MB21D2: variants seen among roughly 807,000 people sequenced by gnomAD.
MB21D2 encodes the protein Mab-21 domain containing 2.
MB21D2 carries 9 observed loss-of-function variants against 33.3 expected under a neutral mutation model. The ratio of observed to expected loss-of-function variants is 0.27; its 90% confidence interval spans 0.16 to 0.47. The LOEUF (loss-of-function observed/expected upper bound fraction) is 0.47. Among genes scored for constraint, MB21D2 ranks in the 20% least tolerant of loss-of-function variants. MB21D2 has a pLI of 0.99. For missense variants in MB21D2, 540 were observed against 624.6 expected, an observed-to-expected ratio of 0.86 and a Z score of 1.44; for synonymous variants, 241 against 236.3, an observed-to-expected ratio of 1.02 and a Z score of -0.18.
intron 1 of MB21D2, among the ~76,000 whole-genome samples, chr3:192,885,942 C>G (rs1713722463): frequency 6.6e-6 from 1 of 152,022 alleles, no homozygotes; most frequent in African/African-American, 2.4e-5. Context: ...CTTTAAACCC[C>G]ACTAGTTCAA....
At chr3:192,862,804 A>G (rs1267862829) in intron 1 of MB21D2, among the ~76,000 whole-genome samples, 1 of 152,210 alleles carries the variant, frequency 6.6e-6, no homozygotes, top group Non-Finnish European at 1.5e-5. Context: ...GGTAATTTAT[A>G]AACAATGTAA....
chr3:192,869,174 T>G (rs1713232289), intron 1 of MB21D2, among the ~76,000 whole-genome samples: 1 of 151,402 alleles, frequency 6.6e-6, no homozygotes, highest in Non-Finnish European at 1.5e-5. Flanking sequence ...AAGAATTGCT[T>G]GAGCCCGGGA....
intron 1 of MB21D2, among the ~76,000 whole-genome samples, chr3:192,836,594 C>T (rs1004577505): frequency 4.6e-5 from 7 of 152,292 alleles, no homozygotes; most frequent in East Asian, 3.9e-4. Flanking sequence ...AGCAAGCAGG[C>T]GGCCGTCTGC....
intron 1 of MB21D2, among the ~76,000 whole-genome samples, chr3:192,893,240 T>C (rs1713893399): frequency 6.6e-6 from 1 of 152,218 alleles, no homozygotes; most frequent in African/African-American, 2.4e-5. Flanking sequence ...TCAAGTGACA[T>C]GACGTCTTTA....
At chr3:192,830,548 T>C (rs1350631298) in intron 1 of MB21D2, among the ~76,000 whole-genome samples, 2 of 152,164 alleles carry the variant, frequency 1.3e-5, no homozygotes, top group Admixed American at 1.3e-4. Flanking sequence ...ACCAACTTCA[T>C]GAGGCAGCCT....
chr3:192,813,667 T>C (rs1025101447), intron 1 of MB21D2, among the ~76,000 whole-genome samples: 6 of 152,110 alleles, frequency 3.9e-5, no homozygotes, highest in East Asian at 1.9e-4. Context: ...CCTAAGTAAC[T>C]AGTCAAGATG....
At chr3:192,882,479 C>T (rs13059548) in intron 1 of MB21D2, among the ~76,000 whole-genome samples, 1,724 of 152,214 alleles carry the variant, frequency 0.011, 19 homozygotes, top group Non-Finnish European at 0.017. Context: ...GGAAATAAGG[C>T]AAAAGGAAGG....
intron 1 of MB21D2, among the ~76,000 whole-genome samples, chr3:192,873,656 A>T (rs1713366421): frequency 1.3e-5 from 2 of 152,086 alleles, no homozygotes; most frequent in South Asian, 4.2e-4. Flanking sequence ...CTCGTCTGGG[A>T]GCTGCACTCC....
intron 1 of MB21D2, among the ~76,000 whole-genome samples, chr3:192,891,545 C>T (rs1222924673): frequency 2.6e-5 from 4 of 152,102 alleles, no homozygotes; most frequent in Non-Finnish European, 4.4e-5. Context: ...CTCTGCATAA[C>T]ATTTTCAAGG....
intron 1 of MB21D2, among the ~76,000 whole-genome samples, chr3:192,916,230 A>G (rs1309566112): frequency 6.6e-6 from 1 of 151,918 alleles, no homozygotes; most frequent in Non-Finnish European, 1.5e-5. Context: ...AAAGGTAAAA[A>G]CCAGCCTAGA....
Position 192,796,830 on chromosome 3 carries a change from G to A in MB21D2, c.*1556C>T, listed in dbSNP as rs1252739823. The stretch of plus-strand genomic sequence containing the variant: ...AACAACAAAATTTCAAGGCCAGTAT[G>A]TTTCTTTTTTTATTATTTTTGTGTT... On this transcript the variant is annotated 3_prime_UTR_variant, in exon 2 of 2. Coordinates refer to ENST00000392452, the MANE Select transcript of MB21D2 (RefSeq NM_178496.4). 2.6e-5 allele frequency: 4 copies of A among 152,122 alleles called. No homozygotes were observed. Among genetic ancestry groups the A allele is most frequent in the Non-Finnish European group, 4.4e-5 (3 of 67,978 alleles). 9.4% of individuals were successfully genotyped at this position (152,122 alleles called of 1,614,324 possible). A position where few individuals can be genotyped will look rare whatever the true frequency, so the allele number is the denominator to read the frequency against.
chr3:192,889,246 G>C lies in MB21D2; in HGVS notation c.211+28384C>G, dbSNP rs571021822. Among the ~76,000 whole-genome samples the C allele has an allele frequency of 1.5e-4, 23 of 152,124 alleles. No homozygotes were observed. The East Asian group carries it at 4.2e-3, about 28-fold the overall frequency. On this transcript the variant is annotated intron_variant, in intron 1 of 1. Transcript: ENST00000392452. ...ATTAAGATGGTTTCTCTATTAAGATGGTTTTGGGGCTGGACCTTCAAAGAG... is the reference window on the plus strand; with the variant it reads ...ATTAAGATGGTTTCTCTATTAAGATCGTTTTGGGGCTGGACCTTCAAAGAG...
At chr3:192,898,247 G>A (rs1714021059) in intron 1 of MB21D2, among the ~76,000 whole-genome samples, 1 of 147,368 alleles carries the variant, frequency 6.8e-6, no homozygotes. Flanking sequence ...TTGGAGATGG[G>A]ATCTCACTAT....
chr3:192,831,447 A>G (rs1712312782), intron 1 of MB21D2, among the ~76,000 whole-genome samples: 1 of 152,230 alleles, frequency 6.6e-6, no homozygotes, highest in Non-Finnish European at 1.5e-5. Context: ...TAAGTTTTGG[A>G]ATAATTGTTT....
intron 1 of MB21D2, among the ~76,000 whole-genome samples, chr3:192,910,287 C>A (rs1177741477): frequency 7.3e-6 from 1 of 137,832 alleles, no homozygotes; most frequent in Admixed American, 7.4e-5. Context: ...GCAACAAGAC[C>A]ACCATCTCTA....
chr3:192,856,301 A>T (rs1452979974), intron 1 of MB21D2, among the ~76,000 whole-genome samples: 1 of 152,156 alleles, frequency 6.6e-6, no homozygotes, highest in East Asian at 1.9e-4. Context: ...TTTAAAATCC[A>T]GCTGCAATTC....
intron 1 of MB21D2, among the ~76,000 whole-genome samples, chr3:192,915,802 C>T (rs1714451211): frequency 6.6e-6 from 1 of 152,108 alleles, no homozygotes; most frequent in Admixed American, 6.6e-5. Flanking sequence ...CTTAAATTTA[C>T]CCTCCCTACA....
At chr3:192,843,878 C>T (rs1263653869) in intron 1 of MB21D2, among the ~76,000 whole-genome samples, 1 of 152,136 alleles carries the variant, frequency 6.6e-6, no homozygotes, top group Non-Finnish European at 1.5e-5. Flanking sequence ...CCATGGCAAC[C>T]CTCCATGCAC....
chr3:192,907,531 C>T (rs886635409), intron 1 of MB21D2, among the ~76,000 whole-genome samples: 2 of 152,108 alleles, frequency 1.3e-5, no homozygotes, highest in African/African-American at 4.8e-5. Flanking sequence ...GATCTCCAAC[C>T]GATTCTGTGA....
Sources: gnomAD v4.1 joint callset for allele counts (sites outside exome capture counted in the v4.1 genomes callset) on GRCh38, gnomAD v4.1.1 for gene constraint, MANE v1.5 for transcripts, NCBI Gene and HGNC (gene_info 2026-07-23, HGNC 2026-07-21) for gene names.